Variants in ASAP1 observed in about 807,000 individuals in gnomAD.
The protein encoded by ASAP1 is arf-GAP with SH3 domain, ANK repeat and PH domain-containing protein 1.
ASAP1 carries 43 observed loss-of-function variants against 145.2 expected under a neutral mutation model. The observed-to-expected ratio is 0.30, with a 90% CI of 0.23 to 0.38. The LOEUF (loss-of-function observed/expected upper bound fraction) is 0.38. ASAP1 is among the 10% of genes least tolerant of loss of function. ASAP1 has a pLI of 1.00. For missense variants in ASAP1, 1,018 were observed against 1,355.3 expected, an observed-to-expected ratio of 0.75 and a Z score of 3.91; for synonymous variants, 546 against 515.5, an observed-to-expected ratio of 1.06 and a Z score of -0.80.
intron 1 of ASAP1, among the ~76,000 whole-genome samples, chr8:130,402,308 G>A (rs1047913389): frequency 1.3e-5 from 2 of 152,142 alleles, no homozygotes; most frequent in Non-Finnish European, 2.9e-5. Flanking sequence ...TGATGGATGC[G>A]ACAGACAGAC....
chr8:130,359,759 G>A (rs1389277103), intron 2 of ASAP1, among the ~76,000 whole-genome samples: 5 of 151,970 alleles, frequency 3.3e-5, no homozygotes, highest in African/African-American at 4.8e-5. Flanking sequence ...GAGTAGCTGG[G>A]ACTACAGGCG....
At chr8:130,237,051 A>G (rs780835434) in intron 3 of ASAP1, 57 bp from the exon 4 acceptor site, 444 of 1,328,854 alleles carry the variant, frequency 3.3e-4, no homozygotes, top group Non-Finnish European at 4.1e-4. Context: ...TAAAAAAATA[A>G]TAAGAAAAAT....
intron 3 of ASAP1, among the ~76,000 whole-genome samples, chr8:130,348,822 CAT>C (rs1554889610): frequency 6.6e-6 from 1 of 152,178 alleles, no homozygotes; most frequent in Non-Finnish European, 1.5e-5. Flanking sequence ...AGGGCCAAGG[CAT>C]AAATGTTTCA....
Position 130,300,226 on chromosome 8 carries a change from C to T in ASAP1, c.186+57791G>A, listed in dbSNP as rs953106332. Reference sequence around the variant, plus strand: ...AGTCAATACAAAAGGCTTCTAAGGTCCCAGAATTTCACAGTGATCAGGCCA... The same window carrying T: ...AGTCAATACAAAAGGCTTCTAAGGTTCCAGAATTTCACAGTGATCAGGCCA... On this transcript the variant is annotated intron_variant, in intron 3 of 29. Coordinates refer to ENST00000518721, the MANE Select transcript of ASAP1 (RefSeq NM_018482.4). Among the ~76,000 whole-genome samples, 4 of 148,712 alleles carry T rather than the reference C, an allele frequency of 2.7e-5. No individual in the cohort carries two copies. The East Asian group carries it at 7.9e-4, about 30-fold the overall frequency.
chr8:130,057,907 CA>C lies in ASAP1; in HGVS notation c.3315+46del, dbSNP rs1471313555. 6 of 1,603,806 alleles carry C rather than the reference CA, an allele frequency of 3.7e-6. No homozygotes were observed. In the Admixed American group the frequency reaches 6.7e-5, roughly 18 times the overall value. On this transcript the variant is annotated intron_variant, in intron 29 of 29. Coordinates refer to ENST00000518721, the MANE Select transcript of ASAP1 (RefSeq NM_018482.4). ...GGCTCCAATGTGGTGCCTGCCCAGG[CA>C]TGCTGTATGAATGTACGGATGAAGT...
Position 130,358,077 on chromosome 8 carries a change from G to T in ASAP1, c.126C>A (p.Thr42=). 1 of 1,611,264 alleles carries T rather than the reference G, an allele frequency of 6.2e-7. No individual in the cohort carries two copies. The highest frequency in any genetic ancestry group is 1.3e-5 in the African/African-American group (1 of 75,000). The change falls in exon 3 of 30, where the codon ACC becomes ACA. Residue 42 remains threonine (T), a synonymous_variant. Coordinates refer to ENST00000518721, the MANE Select transcript of ASAP1 (RefSeq NM_018482.4). This position sits in a 1 kb window ranked among gnomAD's most constrained non-coding sequence, Gnocchi z 4.1. The part of the protein sequence containing the change: ...AETTEDYNSP[T]TSSFTTRLHN... ...GCAGCCGCGTGGTGAAGCTGGACGT[G>T]GTGGGCGAGTTGTAGTCCTCGGTGG...
intron 1 of ASAP1, among the ~76,000 whole-genome samples, chr8:130,405,536 G>A (rs1828988266): frequency 6.6e-6 from 1 of 152,204 alleles, no homozygotes; most frequent in South Asian, 2.1e-4. Flanking sequence ...AAAAGTTCCA[G>A]TCCCAATTCC....
chr8:130,147,847 A>T (rs997134830), intron 13 of ASAP1, among the ~76,000 whole-genome samples: 16 of 152,222 alleles, frequency 1.1e-4, no homozygotes, highest in Non-Finnish European at 1.9e-4. Flanking sequence ...CCTTTTGAGT[A>T]AAACACCAGA....
At chr8:130,225,637 G>A (rs1482965332) in intron 4 of ASAP1, among the ~76,000 whole-genome samples, 1 of 152,162 alleles carries the variant, frequency 6.6e-6, no homozygotes, top group Non-Finnish European at 1.5e-5. Flanking sequence ...TGGATGGAGT[G>A]GGTTAGGTTT....
intron 13 of ASAP1, among the ~76,000 whole-genome samples, chr8:130,146,576 G>A (rs1374798850): frequency 6.6e-6 from 1 of 152,204 alleles, no homozygotes; most frequent in Non-Finnish European, 1.5e-5. Context: ...GGAGAGCTCC[G>A]AAGGCCAGTA....
intron 3 of ASAP1, among the ~76,000 whole-genome samples, chr8:130,283,785 T>A (rs1821420321): frequency 6.6e-6 from 1 of 151,862 alleles, no homozygotes; most frequent in African/African-American, 2.4e-5. Context: ...GTCTAGAAAA[T>A]CAGATTTGGT....
intron 4 of ASAP1, among the ~76,000 whole-genome samples, chr8:130,220,980 T>G (rs1817259269): frequency 6.6e-6 from 1 of 151,956 alleles, no homozygotes; most frequent in Admixed American, 6.6e-5. Flanking sequence ...ATGAGGTCCC[T>G]CCCCCAACAT....
chr8:130,311,598 C>T (rs1823346000), intron 3 of ASAP1, among the ~76,000 whole-genome samples: 1 of 151,916 alleles, frequency 6.6e-6, no homozygotes, highest in African/African-American at 2.4e-5. Context: ...CCTGTCTCTA[C>T]TAAAAATACA....
intron 7 of ASAP1, among the ~76,000 whole-genome samples, chr8:130,185,332 A>G (rs925930241): frequency 2.6e-5 from 4 of 152,250 alleles, no homozygotes; most frequent in African/African-American, 9.6e-5. Context: ...TCAATGAAAT[A>G]GTACATAAAC....
chr8:130,390,606 G>C (rs1045834990), intron 2 of ASAP1, among the ~76,000 whole-genome samples: 5 of 152,232 alleles, frequency 3.3e-5, no homozygotes, highest in African/African-American at 1.2e-4. Flanking sequence ...ATTTAGGTCT[G>C]TATTCTCAGT....
chr8:130,166,857 G>A (rs909920989), intron 11 of ASAP1, among the ~76,000 whole-genome samples: 20 of 152,194 alleles, frequency 1.3e-4, no homozygotes, highest in African/African-American at 4.6e-4. Context: ...AGCTTCTGTA[G>A]GATTCTGCAT....
At chr8:130,157,810 C>G (rs2097660928) in intron 12 of ASAP1, among the ~76,000 whole-genome samples, 1 of 152,128 alleles carries the variant, frequency 6.6e-6, no homozygotes, top group Non-Finnish European at 1.5e-5. Context: ...CCCTAATCAC[C>G]TGTATAATAG....
intron 7 of ASAP1, among the ~76,000 whole-genome samples, chr8:130,182,366 G>C (rs771775651): frequency 3.3e-5 from 5 of 152,202 alleles, no homozygotes; most frequent in Non-Finnish European, 4.4e-5. Flanking sequence ...CAAGGCTGAA[G>C]AGAGAAGGAG....
At chr8:130,411,246 G>C (rs1278897704) in intron 1 of ASAP1, among the ~76,000 whole-genome samples, 2 of 152,206 alleles carry the variant, frequency 1.3e-5, no homozygotes, top group Non-Finnish European at 2.9e-5. Flanking sequence ...GGTCATTACA[G>C]GCCAGGTGCA....
Sources: gnomAD v4.1 joint callset for allele counts (sites outside exome capture counted in the v4.1 genomes callset) on GRCh38, gnomAD v4.1.1 for gene constraint, Gnocchi (gnomAD v3.1) non-coding constraint, MANE v1.5 for transcripts, NCBI Gene and HGNC (gene_info 2026-07-23, HGNC 2026-07-21) for gene names.